SCAPER: variants seen among roughly 807,000 people sequenced by gnomAD.
SCAPER encodes S-phase cyclin A associated protein in the ER.
Under a neutral mutation model 182.2 loss-of-function variants are expected in SCAPER, and 98 were observed. The ratio of observed to expected loss-of-function variants is 0.54; its 90% CI spans 0.46 to 0.64. SCAPER has a LOEUF of 0.64. Among genes scored for constraint, SCAPER ranks in the 30% least tolerant of loss-of-function variants. SCAPER has a pLI of 0.00. For missense variants in SCAPER, 1,432 were observed against 1,690.0 expected (o/e 0.85, Z 2.68); for synonymous variants, 605 against 564.6 (o/e 1.07, Z -1.01).
chr15:76,649,468 C>T (rs1456268851), intron 21 of SCAPER, among the ~76,000 whole-genome samples: 1 of 151,396 alleles, frequency 6.6e-6, no homozygotes, highest in Non-Finnish European at 1.5e-5. Flanking sequence ...ACAGCAACAA[C>T]AAACAAATCA....
chr15:76,827,574 G>A (rs957666655), intron 5 of SCAPER, among the ~76,000 whole-genome samples: 1 of 151,880 alleles, frequency 6.6e-6, no homozygotes, highest in Non-Finnish European at 1.5e-5. Flanking sequence ...AACTAGAGGA[G>A]GACACACCAA....
intron 29 of SCAPER, among the ~76,000 whole-genome samples, chr15:76,357,968 G>A (rs1330015769): frequency 2.6e-5 from 4 of 152,200 alleles, no homozygotes; most frequent in Non-Finnish European, 5.9e-5. Flanking sequence ...TGAGGAATGA[G>A]AAATTACCTG....
chr15:76,461,090 GGTTA>G (rs1178144911), intron 25 of SCAPER, among the ~76,000 whole-genome samples: 1 of 151,934 alleles, frequency 6.6e-6, no homozygotes, highest in Non-Finnish European at 1.5e-5. Flanking sequence ...AAATAGCTTT[GGTTA>G]GTTATTTTGT....
At chr15:76,653,771 A>T (rs2055374985) in intron 21 of SCAPER, among the ~76,000 whole-genome samples, 1 of 152,220 alleles carries the variant, frequency 6.6e-6, no homozygotes, top group Non-Finnish European at 1.5e-5. Flanking sequence ...AACCTAGCAA[A>T]TATTTTTCCC....
At position 76,651,646 on chromosome 15, in the gene SCAPER, A is replaced by C. The variant is rs977747312; in HGVS notation, c.2645+14007T>G. On this transcript the variant is annotated intron_variant, in intron 21 of 31. Transcript: ENST00000563290. ...CTACCAACCAAAAAAAAAAAAAAAA[A>C]CCCTTGACCAGATAGATTCACAGCC... Among the ~76,000 whole-genome samples, 15 of 150,732 alleles carry C rather than the reference A, an allele frequency of 1.0e-4. 1 individual carries two copies. The highest frequency in any genetic ancestry group is 7.7e-4 in the East Asian group (4 of 5,170).
intron 17 of SCAPER, among the ~76,000 whole-genome samples, chr15:76,720,626 T>C (rs1403334483): frequency 6.6e-6 from 1 of 152,204 alleles, no homozygotes; most frequent in African/African-American, 2.4e-5. Context: ...CCATTCTAAC[T>C]GGTGTGAGAT....
At chr15:76,547,597 A>G (rs926647022) in intron 23 of SCAPER, among the ~76,000 whole-genome samples, 2 of 152,138 alleles carry the variant, frequency 1.3e-5, no homozygotes, top group Non-Finnish European at 2.9e-5. Context: ...TCTAAATGTT[A>G]AAAGTTCTGC....
intron 26 of SCAPER, among the ~76,000 whole-genome samples, chr15:76,416,397 G>A (rs186795474): frequency 6.6e-6 from 1 of 152,162 alleles, no homozygotes; most frequent in African/African-American, 2.4e-5. Context: ...GCTGAGGCAG[G>A]AGAATCACTT....
intron 22 of SCAPER, among the ~76,000 whole-genome samples, chr15:76,580,739 G>A: frequency 6.6e-6 from 1 of 152,018 alleles, no homozygotes; most frequent in South Asian, 2.1e-4. Context: ...AAAACCTATA[G>A]CTACATCTTA....
intron 2 of SCAPER, among the ~76,000 whole-genome samples, chr15:76,875,358 A>T (rs2073062711): frequency 6.6e-6 from 1 of 152,208 alleles, no homozygotes; most frequent in African/African-American, 2.4e-5. Flanking sequence ...ACACAAACGT[A>T]GGCCAGGCGT....
chr15:76,704,618 A>C (rs1342317083), intron 18 of SCAPER, among the ~76,000 whole-genome samples: 2 of 152,214 alleles, frequency 1.3e-5, no homozygotes, highest in Non-Finnish European at 2.9e-5. Context: ...AGGTTTGTCA[A>C]AGATCAGATA....
intron 25 of SCAPER, among the ~76,000 whole-genome samples, chr15:76,441,082 C>T (rs563441977): frequency 4.0e-5 from 6 of 151,788 alleles, no homozygotes; most frequent in South Asian, 4.2e-4. Flanking sequence ...CCACCACGCC[C>T]GGCTAATTTT....
At chr15:76,511,399 G>A (rs1045114224) in intron 23 of SCAPER, among the ~76,000 whole-genome samples, 2 of 152,080 alleles carry the variant, frequency 1.3e-5, no homozygotes, top group African/African-American at 2.4e-5. Flanking sequence ...TATGGACTCC[G>A]TTTGAGTAGT....
Position 76,348,296 on chromosome 15 carries a change from A to G in SCAPER, c.*337T>C, listed in dbSNP as rs1284567421. On this transcript the variant is annotated 3_prime_UTR_variant, in exon 32 of 32. Transcript: ENST00000563290. ...TTAACATGAAAAGTCAACAATGAAAACAGAATAAGTTACTTTATTACAAGA... is the reference window on the plus strand; with the variant it reads ...TTAACATGAAAAGTCAACAATGAAAGCAGAATAAGTTACTTTATTACAAGA... The G allele has an allele frequency of 6.2e-6, 1 of 161,828 alleles. No homozygotes were observed. The highest frequency in any genetic ancestry group is 2.4e-5 in the African/African-American group (1 of 41,824). The allele number at this position is 161,828 out of a possible 1,614,324, so 10.0% of individuals were successfully genotyped here.
At chr15:76,434,408 C>CA in intron 25 of SCAPER, 98 bp from the exon 26 acceptor site, 1 of 890,672 alleles carries the variant, frequency 1.1e-6, no homozygotes, top group Non-Finnish European at 1.7e-6. Context: ...GTAATTTTGA[C>CA]AATCTAAAAT....
intron 5 of SCAPER, among the ~76,000 whole-genome samples, chr15:76,806,486 G>A (rs761311351): frequency 1.3e-5 from 2 of 152,084 alleles, no homozygotes; most frequent in East Asian, 1.9e-4. Flanking sequence ...GTCCTCAAAC[G>A]TTGTTCTTTT....
At chr15:76,616,094 G>A (rs1325929886) in intron 22 of SCAPER, among the ~76,000 whole-genome samples, 2 of 152,056 alleles carry the variant, frequency 1.3e-5, no homozygotes, top group African/African-American at 2.4e-5. Context: ...ATTAAAAATA[G>A]ATTTGCCATA....
chr15:76,374,989 G>C (rs544848903), intron 29 of SCAPER, among the ~76,000 whole-genome samples: 1 of 152,000 alleles, frequency 6.6e-6, no homozygotes, highest in East Asian at 1.9e-4. Flanking sequence ...CATTTTGGGA[G>C]GCCAAGGCAG....
chr15:76,609,583 T>C (rs1259596117), intron 22 of SCAPER, among the ~76,000 whole-genome samples: 1 of 152,238 alleles, frequency 6.6e-6, no homozygotes, highest in Non-Finnish European at 1.5e-5. Flanking sequence ...TAGCATACTA[T>C]TCATAGTTAT....
Sources: gnomAD v4.1 joint callset for allele counts (sites outside exome capture counted in the v4.1 genomes callset) on GRCh38, gnomAD v4.1.1 for gene constraint, MANE v1.5 for transcripts, NCBI Gene and HGNC (gene_info 2026-07-23, HGNC 2026-07-21) for gene names.